IGSF10: variants seen among roughly 807,000 people sequenced by gnomAD.
IGSF10 encodes the protein calvaria mechanical force protein 608.
IGSF10 carries 126 observed loss-of-function variants against 128.2 expected under a neutral mutation model. The ratio of observed to expected loss-of-function variants is 0.98; its 90% CI spans 0.85 to 1.14. The LOEUF is 1.14. Among genes scored for constraint, IGSF10 ranks in the 50% most tolerant of loss-of-function variants. The probability of loss-of-function intolerance (pLI) is 0.00; values close to 1 mark genes in which losing one functional copy is unlikely to be tolerated. For synonymous variants in IGSF10, 1,185 were observed against 1,146.2 expected (o/e 1.03, Z -0.68); for missense variants, 3,295 against 3,149.8 (o/e 1.05, Z -1.10).
At chr3:151,505,854 A>T in the IGSF10 span, among the ~76,000 whole-genome samples, 1,060 of 152,314 alleles carry the variant, frequency 7.0e-3, 15 homozygotes, top group African/African-American at 0.025. Context: ...TTCTGGCTTA[A>T]TTAGTGTTCC....
At chr3:151,545,576 A>G in the IGSF10 span, among the ~76,000 whole-genome samples, 6 of 152,224 alleles carry the variant, frequency 3.9e-5, no homozygotes, top group African/African-American at 1.4e-4. Flanking sequence ...AAGTTTCCAT[A>G]GGGAAAATTG....
chr3:151,568,425 G>C, the IGSF10 span, among the ~76,000 whole-genome samples: 1 of 152,050 alleles, frequency 6.6e-6, no homozygotes, highest in African/African-American at 2.4e-5. Context: ...TCTCTTGTTA[G>C]GACTTTAAAT....
rs1405802012 is a variant in IGSF10 at position 151,448,493 on chromosome 3, G to T, written c.1488C>A (p.Asn496Lys). 5.0e-6 allele frequency: 8 copies of T among 1,614,222 alleles called. No homozygotes were observed. Among genetic ancestry groups the T allele is most frequent in the South Asian group, 1.1e-5 (1 of 91,088 alleles). The change falls in exon 6 of 8, where the codon AAC (asparagine) becomes AAA (lysine). Residue 496 changes from asparagine to lysine, a missense_variant. Physicochemically the swap from Asn to Lys is moderately conservative, Grantham distance 94 (BLOSUM62 0). Transcript: ENST00000282466. ...GGGTGGGGTCTCCTTGGCCTGGGCA[G>T]TTCAGGCCAACGGTTCCACCTACCA... ...TVLVGGTVGL[N>K]CPGQGDPTPH...
chr3:151,541,901 T>C, the IGSF10 span, among the ~76,000 whole-genome samples: 1 of 152,184 alleles, frequency 6.6e-6, no homozygotes, highest in Non-Finnish European at 1.5e-5. Context: ...CAACTTTCCT[T>C]AGAAAGGATT....
intron 2 of IGSF10, 93 bp from the exon 3 acceptor site, chr3:151,458,803 T>G: frequency 9.5e-7 from 1 of 1,057,658 alleles, no homozygotes; most frequent in Non-Finnish European, 1.4e-6. Context: ...GGAGACCTTC[T>G]TTAAGGGTCG....
chr3:151,520,563 T>TG, the IGSF10 span, among the ~76,000 whole-genome samples: 7 of 151,462 alleles, frequency 4.6e-5, no homozygotes, highest in South Asian at 4.2e-4. Flanking sequence ...CAGAAGAGAG[T>TG]GGGGGCCTAT....
chr3:151,440,276 C>T (rs551603145), intron 7 of IGSF10, among the ~76,000 whole-genome samples: 6 of 152,290 alleles, frequency 3.9e-5, no homozygotes, highest in East Asian at 3.9e-4. Flanking sequence ...GCGATCCTCC[C>T]GCCTTGGTCT....
At chr3:151,487,956 C>T in the IGSF10 span, among the ~76,000 whole-genome samples, 2 of 152,104 alleles carry the variant, frequency 1.3e-5, no homozygotes, top group African/African-American at 4.8e-5. Flanking sequence ...TCCTATTAAA[C>T]ATAGTATTGG....
chr3:151,444,503 T>C (rs1322795483), intron 6 of IGSF10, among the ~76,000 whole-genome samples: 3 of 151,836 alleles, frequency 2.0e-5, no homozygotes, highest in Non-Finnish European at 2.9e-5. Flanking sequence ...AGAGTAGGGG[T>C]TTCACCATGT....
At chr3:151,457,190 AG>A in intron 3 of IGSF10, 35 bp from the exon 4 acceptor site, 1 of 1,608,390 alleles carries the variant, frequency 6.2e-7, no homozygotes, top group Non-Finnish European at 8.5e-7. Context: ...GCATAAGCTA[AG>A]TCTGTCAACT....
At chr3:151,438,707 A>C in intron 7 of IGSF10, 110 bp from the exon 8 acceptor site, 1 of 726,262 alleles carries the variant, frequency 1.4e-6, no homozygotes, top group Non-Finnish European at 2.3e-6. Flanking sequence ...TGACCAATGA[A>C]AATTGTGTAT....
the IGSF10 span, among the ~76,000 whole-genome samples, chr3:151,617,361 C>G: frequency 0.3 from 38,865 of 131,058 alleles, 7,506 homozygotes; most frequent in East Asian, 0.64. Flanking sequence ...CCTCCTCCTT[C>G]TCCTTCTTCT....
At chr3:151,536,710 ATT>A in the IGSF10 span, among the ~76,000 whole-genome samples, 3 of 152,162 alleles carry the variant, frequency 2.0e-5, no homozygotes, top group African/African-American at 7.2e-5. Context: ...GCTAAAAAAG[ATT>A]TTGTTTTCTC....
At chr3:151,569,524 G>C in the IGSF10 span, among the ~76,000 whole-genome samples, 1 of 152,132 alleles carries the variant, frequency 6.6e-6, no homozygotes, top group Non-Finnish European at 1.5e-5. Flanking sequence ...TAAGTGCTGA[G>C]ATAATCTGTC....
the IGSF10 span, among the ~76,000 whole-genome samples, chr3:151,533,673 A>G: frequency 3.3e-5 from 5 of 152,230 alleles, no homozygotes; most frequent in East Asian, 9.6e-4. Context: ...TTAAAGACTT[A>G]CACGTAAGAC....
Position 151,458,736 on chromosome 3 carries a change from T to C in IGSF10, c.-1-26A>G, listed in dbSNP as rs371684964. On this transcript the variant is annotated intron_variant, in intron 2 of 7. Transcript: ENST00000282466. ...CTGAAAAAACATCATACCTCAGAGT[T>C]ATAAAGAGTGGTGGAGCAAAGTCCC... is the stretch of plus-strand genomic sequence containing the variant. The C allele has an allele frequency of 5.7e-4, 902 of 1,593,238 alleles. 10 individuals are homozygous for C. The South Asian group carries it at 8.8e-3, about 16-fold the overall frequency.
chr3:151,587,183 C>A, the IGSF10 span, among the ~76,000 whole-genome samples: 1 of 152,100 alleles, frequency 6.6e-6, no homozygotes, highest in Non-Finnish European at 1.5e-5. Flanking sequence ...CACCATAGTT[C>A]TTAGAAGATG....
At chr3:151,567,482 T>A in the IGSF10 span, among the ~76,000 whole-genome samples, 1 of 152,154 alleles carries the variant, frequency 6.6e-6, no homozygotes, top group African/African-American at 2.4e-5. Flanking sequence ...TTTTCTTATT[T>A]TCTGTATTCC....
chr3:151,577,429 A>AT, the IGSF10 span, among the ~76,000 whole-genome samples: 2 of 152,052 alleles, frequency 1.3e-5, no homozygotes, highest in African/African-American at 4.8e-5. Context: ...AATCTTCTCC[A>AT]TTTTTACATG....
Sources: gnomAD v4.1 joint callset for allele counts (sites outside exome capture counted in the v4.1 genomes callset) on GRCh38, gnomAD v4.1.1 for gene constraint, MANE v1.5 for transcripts, NCBI Gene and HGNC (gene_info 2026-07-23, HGNC 2026-07-21) for gene names.